SUGCT: variants seen among roughly 807,000 people sequenced by gnomAD.
The protein encoded by SUGCT is succinyl-CoA:glutarate CoA-transferase.
A neutral mutation model predicts 55.0 loss-of-function variants in SUGCT; 41 were observed. The observed-to-expected ratio is 0.74, with a 90% CI of 0.58 to 0.97. SUGCT has a LOEUF of 0.97. Among genes scored for constraint, SUGCT ranks in the 50% least tolerant of loss-of-function variants. The pLI is 0.00. For synonymous variants in SUGCT, 187 were observed against 200.4 expected (o/e 0.93, Z 0.56); for missense variants, 568 against 547.8 (o/e 1.04, Z -0.37).
chr7:40,608,247 AT>A (rs902700014), intron 12 of SUGCT, among the ~76,000 whole-genome samples: 7 of 151,916 alleles, frequency 4.6e-5, no homozygotes, highest in African/African-American at 1.7e-4. Context: ...TTCCTTTTTC[AT>A]TTTTTTAAGT....
intron 12 of SUGCT, among the ~76,000 whole-genome samples, chr7:40,608,923 AGTTCT>A (rs1798641908): frequency 6.6e-6 from 1 of 152,186 alleles, no homozygotes; most frequent in Non-Finnish European, 1.5e-5. Flanking sequence ...TCCGAGTTGT[AGTTCT>A]GTCTCTAGCA....
the SUGCT span, among the ~76,000 whole-genome samples, chr7:40,889,141 A>G: frequency 6.6e-6 from 1 of 152,184 alleles, no homozygotes; most frequent in Non-Finnish European, 1.5e-5. Flanking sequence ...CTTGAAGTAC[A>G]TCGATGGGCT....
chr7:40,431,280 A>G (rs749157520), intron 9 of SUGCT, among the ~76,000 whole-genome samples: 31 of 152,062 alleles, frequency 2.0e-4, no homozygotes, highest in Admixed American at 3.3e-4. Flanking sequence ...TGGGTTGTCT[A>G]TATTTTCCAC....
At chr7:40,932,330 T>A in the SUGCT span, among the ~76,000 whole-genome samples, 10 of 152,102 alleles carry the variant, frequency 6.6e-5, no homozygotes, top group Non-Finnish European at 1.0e-4. Flanking sequence ...TGCTGAGGAG[T>A]GCTTTACTTC....
chr7:40,144,566 G>A (rs181645409), intron 1 of SUGCT, among the ~76,000 whole-genome samples: 5 of 152,242 alleles, frequency 3.3e-5, no homozygotes, highest in Non-Finnish European at 5.9e-5. Context: ...ACCCTTTGAT[G>A]AGACCATGAT....
intron 8 of SUGCT, among the ~76,000 whole-genome samples, chr7:40,286,172 A>T (rs1793325445): frequency 1.3e-5 from 2 of 152,196 alleles, no homozygotes; most frequent in South Asian, 4.1e-4. Flanking sequence ...TGCCTCATGG[A>T]ACTTTTATTG....
chr7:40,717,684 A>C (rs1786095306), intron 12 of SUGCT, among the ~76,000 whole-genome samples: 2 of 152,246 alleles, frequency 1.3e-5, no homozygotes, highest in African/African-American at 4.8e-5. Flanking sequence ...TAGTTGAATA[A>C]ATTATAGCAT....
intron 3 of SUGCT, among the ~76,000 whole-genome samples, chr7:40,187,770 C>A (rs932002082): frequency 6.6e-6 from 1 of 152,164 alleles, no homozygotes; most frequent in Non-Finnish European, 1.5e-5. Flanking sequence ...CCTGTCTCTA[C>A]TAAAAATAAA....
chr7:40,912,460 A>T, the SUGCT span, among the ~76,000 whole-genome samples: 1 of 152,210 alleles, frequency 6.6e-6, no homozygotes, highest in Admixed American at 6.5e-5. Context: ...AAACTTTAGC[A>T]GCTGAAACTG....
Position 40,202,137 on chromosome 7 carries a change from T to C in SUGCT, c.484+7077T>C, listed in dbSNP as rs541660866. Among the ~76,000 whole-genome samples, 97 of 152,170 alleles carry C rather than the reference T, an allele frequency of 6.4e-4. 1 individual carries two copies. The highest frequency in any genetic ancestry group is 1.7e-3 in the Admixed American group (26 of 15,276). Reference sequence around the variant, plus strand: ...ACAGGTGCATGCCACCACGCCCGGATAGTTTTTGTATTTTTGGTAGAGATG... The same window carrying C: ...ACAGGTGCATGCCACCACGCCCGGACAGTTTTTGTATTTTTGGTAGAGATG... On this transcript the variant is annotated intron_variant, in intron 6 of 13. Coordinates refer to ENST00000335693, the MANE Select transcript of SUGCT (RefSeq NM_001193313.2).
chr7:40,706,079 A>G (rs1562956002), intron 12 of SUGCT, among the ~76,000 whole-genome samples: 1 of 152,202 alleles, frequency 6.6e-6, no homozygotes, highest in Non-Finnish European at 1.5e-5. Context: ...TCTAGTATTT[A>G]TATGATCATT....
intron 12 of SUGCT, among the ~76,000 whole-genome samples, chr7:40,503,047 G>A (rs1792376695): frequency 6.6e-6 from 1 of 152,058 alleles, no homozygotes; most frequent in African/African-American, 2.4e-5. Context: ...ATGAAAACAG[G>A]TAATAAGTTA....
chr7:40,886,991 T>G, the SUGCT span, among the ~76,000 whole-genome samples: 1 of 152,278 alleles, frequency 6.6e-6, no homozygotes, highest in South Asian at 2.1e-4. Flanking sequence ...TCCGTTTCCC[T>G]TGGACCTATA....
At chr7:40,344,918 A>G (rs1797233944) in intron 9 of SUGCT, among the ~76,000 whole-genome samples, 5 of 152,236 alleles carry the variant, frequency 3.3e-5, no homozygotes. Flanking sequence ...GGAACCGTAT[A>G]AAGTGTTTAG....
intron 12 of SUGCT, among the ~76,000 whole-genome samples, chr7:40,686,975 T>G (rs1584273706): frequency 1.3e-5 from 2 of 152,234 alleles, no homozygotes; most frequent in Admixed American, 1.3e-4. Flanking sequence ...CTCAGGTTAC[T>G]CCAGTCCCAG....
chr7:40,759,884 A>T lies in SUGCT; in HGVS notation c.1153+10387A>T, dbSNP rs572609368. Among the ~76,000 whole-genome samples, 18 of 136,702 alleles carry T rather than the reference A, an allele frequency of 1.3e-4. No individual in the cohort carries two copies. The South Asian group carries it at 2.9e-3, about 22-fold the overall frequency. The allele number at this position is 136,702 out of a possible 152,430, so 89.7% of individuals were successfully genotyped here. A position where few individuals can be genotyped will look rare whatever the true frequency, so the allele number is the denominator to read the frequency against. On this transcript the variant is annotated intron_variant, in intron 13 of 13. Transcript: ENST00000335693. ...CAAAGTCTGTAATTGTGTTTCTATT[A>T]AAAAAAAAAGCAGCAGCAGCCATCA...
intron 9 of SUGCT, among the ~76,000 whole-genome samples, chr7:40,339,368 C>T (rs4538778): frequency 1.3e-5 from 2 of 151,990 alleles, no homozygotes; most frequent in Middle Eastern, 3.4e-3. Flanking sequence ...GGCAGGCAGG[C>T]CTCCTTGAGC....
chr7:40,849,832 G>A (rs1793760545), intron 13 of SUGCT, among the ~76,000 whole-genome samples: 1 of 152,030 alleles, frequency 6.6e-6, no homozygotes, highest in African/African-American at 2.4e-5. Context: ...TTTGACTCAG[G>A]TAACTTTCGA....
the SUGCT span, among the ~76,000 whole-genome samples, chr7:41,011,779 T>G: frequency 6.6e-6 from 1 of 152,166 alleles, no homozygotes; most frequent in Non-Finnish European, 1.5e-5. Flanking sequence ...TACCCACATA[T>G]ATTCAACCAT....
Sources: allele counts gnomAD v4.1 joint callset (sites outside exome capture counted in the v4.1 genomes callset), GRCh38; gene constraint gnomAD v4.1.1; transcripts MANE v1.5; gene names NCBI Gene and HGNC (gene_info 2026-07-23, HGNC 2026-07-21).